The following ABCA1 variants were observed in gnomAD, a reference collection of about 807,000 sequenced individuals.
The protein encoded by ABCA1 is ATP binding cassette subfamily A member 1, also known as phospholipid-transporting ATPase ABCA1.
In ABCA1, 133 loss-of-function variants were observed where a neutral mutation model predicts 262.5. The observed-to-expected ratio is 0.51, with a 90% CI of 0.44 to 0.59. The LOEUF (loss-of-function observed/expected upper bound fraction) is 0.59, where lower values mean the gene tolerates loss of function less well. ABCA1 is among the 20% of genes least tolerant of loss of function. The pLI, the probability that ABCA1 is intolerant of heterozygous loss-of-function variation, is 0.00. For missense variants in ABCA1, 2,452 were observed against 2,777.5 expected (o/e 0.88, Z 2.63); for synonymous variants, 1,022 against 1,043.5 (o/e 0.98, Z 0.40).
chr9:104,880,959 G>A (rs1838593119), intron 5 of ABCA1, among the ~76,000 whole-genome samples: 1 of 152,066 alleles, frequency 6.6e-6, no homozygotes, highest in South Asian at 2.1e-4. Flanking sequence ...GACCATCCTG[G>A]CCAACATGGT....
Position 104,884,543 on chromosome 9 carries a change from G to C in ABCA1, c.186C>G (p.Pro62=). Residue 62 remains proline, a synonymous_variant, in exon 4 of 50, where the codon CCC becomes CCG. Coordinates refer to ENST00000374736, the MANE Select transcript of ABCA1 (RefSeq NM_005502.4). ...HECHFPNKAM[P]SAGTLPWVQG... ...GAACCCAAGGAAGTGTTCCTGCAGAGGGCATGGCTTTATTTGGAAAATGGC... is the reference window on the plus strand; with the variant it reads ...GAACCCAAGGAAGTGTTCCTGCAGACGGCATGGCTTTATTTGGAAAATGGC... The C allele has an allele frequency of 1.9e-6, 3 of 1,614,190 alleles. No homozygotes were observed. The highest frequency in any genetic ancestry group is 2.5e-6 in the Non-Finnish European group (3 of 1,180,022).
In ABCA1 at chr9:104,858,577, A is replaced by T; in HGVS notation, c.665T>A (p.Leu222Gln). 1.2e-6 allele frequency: 2 copies of T among 1,614,196 alleles called. No homozygotes were observed. The highest frequency in any genetic ancestry group is 1.7e-6 in the Non-Finnish European group (2 of 1,180,040). ...SELCGLPREK[L>Q]AAAERVLRSN... ...ACGAAGTACTCGCTCTGCTGCAGCC[A>T]GTTTCTCCCTTGGTAGGCCACAAAG... Residue 222 changes from leucine to glutamine, a missense_variant, in exon 7 of 50, where the codon CTG becomes CAG. This residue lies in a region of ABCA1 where 1,032 missense variants were observed against 1,089.7 expected (regional missense o/e 0.95). Transcript: ENST00000374736.
chr9:104,838,583 C>T (rs1271104381), intron 9 of ABCA1, among the ~76,000 whole-genome samples: 1 of 150,700 alleles, frequency 6.6e-6, no homozygotes, highest in Non-Finnish European at 1.5e-5. Context: ...CGCCACTGCA[C>T]TCCAGCCTGG....
intron 30 of ABCA1, 25 bp from the exon 31 acceptor site, chr9:104,806,455 AGGATTACCAGAGAT>A: frequency 6.2e-7 from 1 of 1,613,358 alleles, no homozygotes; most frequent in Non-Finnish European, 8.5e-7. Flanking sequence ...CAGCAAGAGT[AGGATTACCAGAGAT>A]GGCCTGGCCT....
In ABCA1 at chr9:104,782,924, A is replaced by G. The variant is rs1828631153; in HGVS notation, c.*1391T>C. 6.6e-6 allele frequency: 1 copy of G among 152,494 alleles called. No homozygotes were observed. The highest frequency in any genetic ancestry group is 2.4e-5 in the African/African-American group (1 of 41,406). 9.4% of individuals were successfully genotyped at this position (152,494 alleles called of 1,614,324 possible). A position where few individuals can be genotyped will look rare whatever the true frequency, so the allele number is the denominator to read the frequency against. On this transcript the variant is annotated 3_prime_UTR_variant, in exon 50 of 50. Coordinates refer to ENST00000374736, the MANE Select transcript of ABCA1 (RefSeq NM_005502.4). ...ACCACAAGACAACCTATATTTGTAAACCAGTGAGCTGAATAACATGGCACA... is the reference window on the plus strand; with the variant it reads ...ACCACAAGACAACCTATATTTGTAAGCCAGTGAGCTGAATAACATGGCACA...
intron 16 of ABCA1, among the ~76,000 whole-genome samples, chr9:104,826,459 G>A (rs1832819283): frequency 6.6e-6 from 1 of 152,178 alleles, no homozygotes; most frequent in Non-Finnish European, 1.5e-5. Flanking sequence ...TTTGTGGGAT[G>A]AGGCACCTGC....
chr9:104,854,438 G>C (rs1835656522), intron 7 of ABCA1, among the ~76,000 whole-genome samples: 1 of 151,818 alleles, frequency 6.6e-6, no homozygotes, highest in South Asian at 2.1e-4. Context: ...TAAGTATTTG[G>C]TGACTTGTTA....
At chr9:104,868,539 G>T (rs768416633) in intron 5 of ABCA1, among the ~76,000 whole-genome samples, 1 of 152,186 alleles carries the variant, frequency 6.6e-6, no homozygotes, top group African/African-American at 2.4e-5. Context: ...GCCAGCAGAA[G>T]AGAAAGTCAC....
intron 45 of ABCA1, 129 bp downstream of exon 45, chr9:104,788,297 G>A: frequency 1.8e-6 from 2 of 1,135,658 alleles, no homozygotes; most frequent in South Asian, 1.2e-5. Context: ...CAGATACAAA[G>A]AACCAGCATT....
Position 104,817,262 on chromosome 9 carries a change from C to T in ABCA1, c.3535+70G>A. On this transcript the variant is annotated intron_variant, in intron 24 of 49. Transcript: ENST00000374736. The surrounding 1 kb of genome is among the most constrained non-coding windows in gnomAD (Gnocchi z 4.7). ...GCCACCAGCCTCTGCACCTCTCCTC[C>T]TCTGCCTCCACTCTGCCCAGCTGGG... 6.2e-7 allele frequency: 1 copy of T among 1,613,102 alleles called. No homozygotes were observed. Among genetic ancestry groups the T allele is most frequent in the Non-Finnish European group, 8.5e-7 (1 of 1,179,700 alleles).
chr9:104,862,270 A>AG (rs1564197035), intron 5 of ABCA1, among the ~76,000 whole-genome samples: 5 of 145,908 alleles, frequency 3.4e-5, no homozygotes, highest in Non-Finnish European at 6.1e-5. Context: ...TGACTGGCAA[A>AG]TTTTTTTTTT....
chr9:104,878,501 G>C (rs972661777), intron 5 of ABCA1, among the ~76,000 whole-genome samples: 1 of 152,170 alleles, frequency 6.6e-6, no homozygotes. Flanking sequence ...GGAGCAGCAG[G>C]GGGGTTTAGC....
At chr9:104,925,979 G>A (rs1826291454) in intron 1 of ABCA1, among the ~76,000 whole-genome samples, 1 of 149,926 alleles carries the variant, frequency 6.7e-6, no homozygotes, top group Admixed American at 6.6e-5. Context: ...TTGAAAAGAA[G>A]ATCATAATTT....
At chr9:104,824,673 T>C in intron 17 of ABCA1, 95 bp from the exon 18 acceptor site, 1 of 1,402,886 alleles carries the variant, frequency 7.1e-7, no homozygotes, top group Admixed American at 1.9e-5. Flanking sequence ...ACACATCCTT[T>C]GGAGAAGGAA....
At chr9:104,907,183 T>C (rs1841206344) in intron 1 of ABCA1, among the ~76,000 whole-genome samples, 1 of 152,194 alleles carries the variant, frequency 6.6e-6, no homozygotes, top group Non-Finnish European at 1.5e-5. Flanking sequence ...TGCTGCACGC[T>C]CTCCTACCAC....
At chr9:104,847,977 T>C (rs935524188) in intron 7 of ABCA1, among the ~76,000 whole-genome samples, 16 of 152,174 alleles carry the variant, frequency 1.1e-4, no homozygotes, top group Admixed American at 1.0e-3. Flanking sequence ...AAAGTTGACA[T>C]TTCAGTTGAA....
Position 104,815,635 on chromosome 9 carries a change from C to T in ABCA1, c.3738+508G>A, listed in dbSNP as rs115973228. Reference sequence around the variant, plus strand: ...AAAAACAAAAAACAAATCTCAGCACCTGGCACAAGTAGACTATCCATCCAT... The same window carrying T: ...AAAAACAAAAAACAAATCTCAGCACTTGGCACAAGTAGACTATCCATCCAT... On this transcript the variant is annotated intron_variant, in intron 25 of 49. Coordinates refer to ENST00000374736, the MANE Select transcript of ABCA1 (RefSeq NM_005502.4). Among the ~76,000 whole-genome samples the T allele has an allele frequency of 4.1e-3, 623 of 152,202 alleles. 7 individuals carry two copies. Among genetic ancestry groups the T allele is most frequent in the African/African-American group, 0.014 (598 of 41,532 alleles).
At chr9:104,825,208 C>T (rs544105794) in intron 17 of ABCA1, among the ~76,000 whole-genome samples, 2 of 152,192 alleles carry the variant, frequency 1.3e-5, no homozygotes, top group African/African-American at 2.4e-5. Flanking sequence ...CAGAACCTCT[C>T]CTAGTTGTAC....
At chr9:104,903,525 T>C in intron 2 of ABCA1, 89 bp downstream of exon 2, 1 of 1,328,388 alleles carries the variant, frequency 7.5e-7, no homozygotes, top group Non-Finnish European at 1.1e-6. Flanking sequence ...CAACACAGCT[T>C]CCTTCCCTCC....
Sources: allele counts gnomAD v4.1 joint callset (sites outside exome capture counted in the v4.1 genomes callset), GRCh38; gene constraint gnomAD v4.1.1; regional missense constraint gnomAD v4.1.1; non-coding constraint Gnocchi (gnomAD v3.1); transcripts MANE v1.5; gene names NCBI Gene and HGNC (gene_info 2026-07-23, HGNC 2026-07-21).